Variants in GATA1 observed in about 807,000 individuals in gnomAD.
The protein encoded by GATA1 is GATA binding protein 1, also known as erythroid transcription factor.
GATA1 carries 2 observed loss-of-function variants against 18.9 expected under a neutral mutation model. The ratio of observed to expected loss-of-function variants is 0.11; its 90% CI spans 0.04 to 0.33. GATA1 has a LOEUF of 0.33. Ranked by LOEUF, GATA1 falls within the 10% of genes least tolerant of loss-of-function variation. The probability of loss-of-function intolerance (pLI) is 1.00; values close to 1 mark genes in which losing one functional copy is unlikely to be tolerated. For synonymous variants in GATA1, 152 were observed against 149.1 expected (o/e 1.02, Z -0.14); for missense variants, 272 against 344.7 (o/e 0.79, Z 1.67).
intron 5 of GATA1, among the ~76,000 whole-genome samples, chrX:48,793,531 C>T (rs1033662142): frequency 4.8e-5 from 5 of 103,420 alleles, no homozygotes; most frequent in Non-Finnish European, 9.9e-5. Context: ...TTCCCTCCTC[C>T]TCCGCCCTCC....
chrX:48,786,863 CTCCG>C (rs1557019299), intron 1 of GATA1, among the ~76,000 whole-genome samples: 1 of 110,664 alleles, frequency 9.0e-6, no homozygotes, highest in Non-Finnish European at 1.9e-5. Context: ...CTCTCATCCA[CTCCG>C]TCCAAGATAT....
chrX:48,792,293 A>C, intron 3 of GATA1, 30 bp from the exon 4 acceptor site: 1 of 1,211,603 alleles, frequency 8.3e-7, no homozygotes, highest in Non-Finnish European at 1.1e-6. Flanking sequence ...AGCTGAGCCT[A>C]GCTCCCTCTT....
chrX:48,789,733 AC>A (rs200263656), intron 1 of GATA1, among the ~76,000 whole-genome samples: 24,149 of 102,736 alleles, frequency 0.24, 2,217 homozygotes, highest in South Asian at 0.35. Context: ...GGGGGTACTG[AC>A]CCCCCCCCAA....
chrX:48,791,889 G>A lies in GATA1; in HGVS notation c.266G>A (p.Gly89Glu), dbSNP rs781920985. Residue 89 changes from glycine (G) to glutamate (E), a missense_variant, in exon 3 of 6, where the codon GGG becomes GAG. Transcript: ENST00000376670. ...PLLNCMEGIP[G>E]GSPYAGWAYG... ...CTCAACTGTATGGAGGGGATCCCAG[G>A]GGGCTCACCATATGCCGGCTGGGCC... The A allele has an allele frequency of 8.3e-6, 10 of 1,211,516 alleles. No homozygotes were observed. In the East Asian group the frequency reaches 3.0e-4, roughly 36 times the overall value.
intron 1 of GATA1, among the ~76,000 whole-genome samples, chrX:48,788,603 G>A (rs904573747): frequency 2.7e-5 from 3 of 111,787 alleles, no homozygotes; most frequent in African/African-American, 9.8e-5. Context: ...CCAAGCCTGG[G>A]CCTGCCCCTT....
chrX:48,790,169 G>A (rs2062669670), intron 1 of GATA1, among the ~76,000 whole-genome samples: 2 of 110,515 alleles, frequency 1.8e-5, no homozygotes, highest in African/African-American at 6.6e-5. Context: ...CAGGGGAAGA[G>A]AGGCCGGAAG....
At chrX:48,789,489 C>G (rs1263727952) in intron 1 of GATA1, among the ~76,000 whole-genome samples, 1 of 110,613 alleles carries the variant, frequency 9.0e-6, no homozygotes, top group Non-Finnish European at 1.9e-5. Flanking sequence ...GCAAAACAGG[C>G]AAAGGGCCAT....
chrX:48,794,024 GGCCCTGTGGTGC>G lies in GATA1; in HGVS notation c.1103_1114del (p.Gly368_Leu372delinsVal). On this transcript the variant is annotated inframe_deletion, in exon 6 of 6. Coordinates refer to ENST00000376670, the MANE Select transcript of GATA1 (RefSeq NM_002049.4). ...TACTGCCCATCTCTACCAAGGCCTG[GGCCCTGTGGTGC>G]TGTCAGGGCCTGTTAGCCACCTCAT... 8.3e-7 allele frequency: 1 copy of G among 1,211,138 alleles called. No homozygotes were observed. Among genetic ancestry groups the G allele is most frequent in the Non-Finnish European group, 1.1e-6 (1 of 895,132 alleles).
chrX:48,788,479 G>A (rs1194799536), intron 1 of GATA1, among the ~76,000 whole-genome samples: 1 of 110,636 alleles, frequency 9.0e-6, no homozygotes, highest in Admixed American at 9.6e-5. Flanking sequence ...AAGAGATGGA[G>A]ACCAAGATGG....
intron 5 of GATA1, 147 bp from the exon 6 acceptor site, chrX:48,793,646 G>A (rs1296038411): frequency 3.4e-6 from 3 of 883,434 alleles, no homozygotes; most frequent in Non-Finnish European, 4.8e-6. Context: ...CTAAGCTCAG[G>A]GCCTCACAGC....
intron 1 of GATA1, among the ~76,000 whole-genome samples, chrX:48,789,653 C>T (rs1269287852): frequency 1.8e-5 from 2 of 110,992 alleles, no homozygotes; most frequent in East Asian, 2.8e-4. Context: ...ACCTGCCACC[C>T]TCTTCAGAGG....
chrX:48,791,768 C>G (rs1190992484), intron 2 of GATA1, 76 bp from the exon 3 acceptor site: 7 of 1,130,932 alleles, frequency 6.2e-6, no homozygotes, highest in Non-Finnish European at 8.4e-6. Context: ...GTGCTGGGAA[C>G]CACTGCACCC....
intron 1 of GATA1, among the ~76,000 whole-genome samples, chrX:48,789,722 G>A (rs936186316): frequency 3.0e-5 from 3 of 99,168 alleles, no homozygotes; most frequent in African/African-American, 1.2e-4. Flanking sequence ...GATAAGCAGT[G>A]GGGGGTACTG....
At chrX:48,792,606 C>T in intron 4 of GATA1, 138 bp downstream of exon 4, 1 of 771,044 alleles carries the variant, frequency 1.3e-6, no homozygotes. Flanking sequence ...TGTATGGGAA[C>T]CCCTGTCCCA....
Position 48,791,952 on chromosome X carries a change from G to C in GATA1, c.329G>C (p.Cys110Ser), listed in dbSNP as rs2062676447. ...KTGLYPASTV[C>S]PTREDSPPQA... Reference sequence around the variant, plus strand: ...GGGCTCTACCCTGCCTCAACTGTGTGTCCCACCCGCGAGGACTCTCCTCCC... The same window carrying C: ...GGGCTCTACCCTGCCTCAACTGTGTCTCCCACCCGCGAGGACTCTCCTCCC... Residue 110 changes from cysteine (C) to serine (S), a missense_variant, in exon 3 of 6, where the codon TGT (cysteine) becomes TCT (serine). Around this residue, in one of 3 missense-constraint regions of GATA1, gnomAD observed 147 missense variants for 157.4 expected, o/e 0.93. Coordinates refer to ENST00000376670, the MANE Select transcript of GATA1 (RefSeq NM_002049.4). The C allele has an allele frequency of 9.9e-6, 12 of 1,211,740 alleles. No homozygotes were observed. The highest frequency in any genetic ancestry group is 1.3e-5 in the Non-Finnish European group (12 of 895,475).
rs373414851 is a variant in GATA1 at position 48,792,374 on chromosome X, G to A, written c.650G>A (p.Arg217Lys). The A allele has an allele frequency of 8.3e-7, 1 of 1,210,043 alleles. No homozygotes were observed. The highest frequency in any genetic ancestry group is 1.8e-5 in the African/African-American group (1 of 57,136). The change falls in exon 4 of 6, where the codon AGG (arginine) becomes AAG (lysine). Residue 217 changes from arginine to lysine, a missense_variant. This residue lies in a region of GATA1 where 42 missense variants were observed against 103.2 expected (regional missense o/e 0.41). Transcript: ENST00000376670. Reference protein sequence around the residue: ...CGATATPLWRRDRTGHYLCNA... With the variant: ...CGATATPLWRKDRTGHYLCNA... The stretch of plus-strand genomic sequence containing the variant: ...GCAACAGCCACTCCACTGTGGCGGA[G>A]GGACAGGACAGGCCACTACCTATGC...
In GATA1 at chrX:48,793,162, CG is replaced by C; in HGVS notation, c.745-9del. Reference sequence around the variant, plus strand: ...CCAGGGCACTGATCTCACATCCTGTCGTCCCCTAGATTGTCAGTAAACGGGC... The same window carrying C: ...CCAGGGCACTGATCTCACATCCTGTCTCCCCTAGATTGTCAGTAAACGGGC... On this transcript the variant is annotated splice_polypyrimidine_tract_variant and intron_variant, in intron 4 of 5. Coordinates refer to ENST00000376670, the MANE Select transcript of GATA1 (RefSeq NM_002049.4). The C allele has an allele frequency of 1.7e-6, 2 of 1,209,798 alleles. No homozygotes were observed. Among genetic ancestry groups the C allele is most frequent in the Non-Finnish European group, 2.2e-6 (2 of 894,334 alleles).
chrX:48,788,808 AG>A (rs1472894798), intron 1 of GATA1, among the ~76,000 whole-genome samples: 5 of 110,997 alleles, frequency 4.5e-5, no homozygotes, highest in African/African-American at 1.6e-4. Context: ...GGGACTAGTA[AG>A]AGGCACGTGG....
At position 48,791,857 on chromosome X, in the gene GATA1, C is replaced by T. The variant is rs1365413309; in HGVS notation, c.234C>T (p.Tyr78=). Residue 78 remains tyrosine (Y), a synonymous_variant, in exon 3 of 6, where the codon TAC becomes TAT. Coordinates refer to ENST00000376670, the MANE Select transcript of GATA1 (RefSeq NM_002049.4). ...AYRHSPVFQV[Y]PLLNCMEGIP... ...TGCCCCCAACAGTCTTTCAGGTGTA[C>T]CCATTGCTCAACTGTATGGAGGGGA... 2.5e-6 allele frequency: 3 copies of T among 1,210,074 alleles called. No homozygotes were observed. The highest frequency in any genetic ancestry group is 3.4e-6 in the Non-Finnish European group (3 of 895,106).
Sources: allele counts gnomAD v4.1 joint callset (sites outside exome capture counted in the v4.1 genomes callset), GRCh38; gene constraint gnomAD v4.1.1; regional missense constraint gnomAD v4.1.1; transcripts MANE v1.5; gene names NCBI Gene and HGNC (gene_info 2026-07-23, HGNC 2026-07-21).